The following MEGF9 variants were observed in gnomAD, a reference collection of about 807,000 sequenced individuals.
The protein encoded by MEGF9 is multiple EGF like domains 9.
A neutral mutation model predicts 46.8 loss-of-function variants in MEGF9; 6 were observed. That is an observed-to-expected ratio of 0.13 (90% confidence interval 0.07 to 0.25). The LOEUF is 0.25. Ranked by LOEUF, MEGF9 falls within the 10% of genes least tolerant of loss-of-function variation. The pLI, the probability that MEGF9 is intolerant of heterozygous loss-of-function variation, is 1.00. For synonymous variants in MEGF9, 302 were observed against 330.7 expected, an observed-to-expected ratio of 0.91 and a Z score of 0.94; for missense variants, 683 against 792.4, an observed-to-expected ratio of 0.86 and a Z score of 1.66.
chr9:120,650,562 G>A (rs977305510), intron 2 of MEGF9, among the ~76,000 whole-genome samples: 4 of 152,148 alleles, frequency 2.6e-5, no homozygotes. Context: ...TCTGGCTCCT[G>A]CAGCCAAAAT....
intron 4 of MEGF9, 134 bp downstream of exon 4, chr9:120,612,262 A>G (rs900964626): frequency 8.3e-6 from 6 of 719,392 alleles, no homozygotes; most frequent in Admixed American, 3.3e-5. Context: ...AATTCCTGGA[A>G]AGGAAAACTT....
chr9:120,659,787 C>CAG (rs2043694036), intron 1 of MEGF9, among the ~76,000 whole-genome samples: 1 of 120,508 alleles, frequency 8.3e-6, no homozygotes, highest in African/African-American at 3.2e-5. Flanking sequence ...GTGTGTGTGA[C>CAG]AGTGTGTGTG....
intron 1 of MEGF9, 112 bp from the exon 2 acceptor site, chr9:120,659,687 T>C (rs2043693436): frequency 2.3e-6 from 2 of 886,624 alleles, no homozygotes; most frequent in Non-Finnish European, 3.3e-6. Context: ...TTTGTAAGGA[T>C]AGATAAAATT....
At chr9:120,654,236 G>C (rs1031840933) in intron 2 of MEGF9, among the ~76,000 whole-genome samples, 2 of 152,070 alleles carry the variant, frequency 1.3e-5, no homozygotes, top group African/African-American at 4.8e-5. Flanking sequence ...GATGCTATGA[G>C]GATAATATAA....
chr9:120,641,622 T>A (rs2043603515), intron 2 of MEGF9, among the ~76,000 whole-genome samples: 1 of 152,232 alleles, frequency 6.6e-6, no homozygotes, highest in African/African-American at 2.4e-5. Flanking sequence ...ACTTTTTTAT[T>A]CAATAGGTCT....
intron 2 of MEGF9, among the ~76,000 whole-genome samples, chr9:120,632,294 T>A (rs2043553932): frequency 6.6e-6 from 1 of 152,124 alleles, no homozygotes; most frequent in Non-Finnish European, 1.5e-5. Flanking sequence ...TAGTTTTCCT[T>A]GTAGAAATCT....
chr9:120,619,709 T>C (rs1479010681), intron 3 of MEGF9, among the ~76,000 whole-genome samples: 1 of 152,238 alleles, frequency 6.6e-6, no homozygotes, highest in Non-Finnish European at 1.5e-5. Context: ...AATTTAGAAT[T>C]CTTTCCTTAG....
chr9:120,712,578 T>C (rs2043958836), intron 1 of MEGF9, among the ~76,000 whole-genome samples: 2 of 152,190 alleles, frequency 1.3e-5, no homozygotes, highest in African/African-American at 4.8e-5. Context: ...CTTGGCTTTT[T>C]ATGGGTGAAT....
chr9:120,626,247 GA>G (rs970599975), intron 2 of MEGF9, among the ~76,000 whole-genome samples: 2 of 151,982 alleles, frequency 1.3e-5, no homozygotes, highest in Admixed American at 6.5e-5. Context: ...AATTATATCA[GA>G]AAAAAAAGAA....
intron 1 of MEGF9, among the ~76,000 whole-genome samples, chr9:120,685,853 T>A (rs1266155959): frequency 6.6e-6 from 1 of 152,176 alleles, no homozygotes; most frequent in East Asian, 1.9e-4. Flanking sequence ...AAAGAAAATG[T>A]GGCATCTATA....
intron 1 of MEGF9, among the ~76,000 whole-genome samples, chr9:120,712,750 T>C (rs1429563275): frequency 6.6e-6 from 1 of 152,216 alleles, no homozygotes; most frequent in Admixed American, 6.5e-5. Flanking sequence ...GAGACCCAGC[T>C]AGACAAAGGA....
chr9:120,669,729 G>A (rs2043740357), intron 1 of MEGF9, among the ~76,000 whole-genome samples: 1 of 152,032 alleles, frequency 6.6e-6, no homozygotes, highest in African/African-American at 2.4e-5. Flanking sequence ...TATTTAATAT[G>A]GTTATTTCTG....
At chr9:120,650,498 C>T (rs1010906616) in intron 2 of MEGF9, among the ~76,000 whole-genome samples, 2 of 151,576 alleles carry the variant, frequency 1.3e-5, no homozygotes, top group African/African-American at 2.4e-5. Context: ...GGTGGACATC[C>T]GTCAGTACAT....
chr9:120,616,487 G>A (rs1014447623), intron 3 of MEGF9, among the ~76,000 whole-genome samples: 6 of 151,886 alleles, frequency 4.0e-5, no homozygotes, highest in Admixed American at 1.3e-4. Context: ...AGACCATCCC[G>A]GCTAACACGG....
chr9:120,708,494 A>C (rs1188494186), intron 1 of MEGF9, among the ~76,000 whole-genome samples: 1 of 152,268 alleles, frequency 6.6e-6, no homozygotes, highest in African/African-American at 2.4e-5. Flanking sequence ...GTCTATTCTC[A>C]TCACTCAGAT....
intron 1 of MEGF9, among the ~76,000 whole-genome samples, chr9:120,671,194 A>C (rs2043747332): frequency 6.6e-6 from 1 of 152,202 alleles, no homozygotes; most frequent in Non-Finnish European, 1.5e-5. Flanking sequence ...TGAGGATTTT[A>C]CTATGATCAA....
At chr9:120,689,127 A>G (rs914207787) in intron 1 of MEGF9, among the ~76,000 whole-genome samples, 1 of 152,234 alleles carries the variant, frequency 6.6e-6, no homozygotes, top group African/African-American at 2.4e-5. Flanking sequence ...TTGAAACAGA[A>G]ATATGAATAG....
At chr9:120,683,574 T>C (rs1195777124) in intron 1 of MEGF9, among the ~76,000 whole-genome samples, 1 of 152,226 alleles carries the variant, frequency 6.6e-6, no homozygotes, top group African/African-American at 2.4e-5. Flanking sequence ...GCTTCTGCCA[T>C]GATTGTAAGT....
chr9:120,605,313 G>A lies in MEGF9; in HGVS notation c.1686C>T (p.Phe562=). 1 of 1,614,048 alleles carries A rather than the reference G, an allele frequency of 6.2e-7. No individual in the cohort carries two copies. The highest frequency in any genetic ancestry group is 8.5e-7 in the Non-Finnish European group (1 of 1,179,904). The change falls in exon 6 of 6, where the codon TTC becomes TTT. Residue 562 remains phenylalanine (F), a synonymous_variant. Transcript: ENST00000373930. This position sits in a 1 kb window ranked among gnomAD's most constrained non-coding sequence, Gnocchi z 4.0. ...TIELKEDNIS[F]SSYHDSIPNA... ...TGGGAATGCTGTCATGGTAGCTGCT[G>A]AAACTGATATTGTCTTCTTTCAGCT...
Sources: allele counts gnomAD v4.1 joint callset (sites outside exome capture counted in the v4.1 genomes callset), GRCh38; gene constraint gnomAD v4.1.1; non-coding constraint Gnocchi (gnomAD v3.1); transcripts MANE v1.5; gene names NCBI Gene and HGNC (gene_info 2026-07-23, HGNC 2026-07-21).